RNF220: variants seen among roughly 807,000 people sequenced by gnomAD.
The protein encoded by RNF220 is E3 ubiquitin-protein ligase RNF220.
A neutral mutation model predicts 67.1 loss-of-function variants in RNF220; 7 were observed. That is an observed-to-expected ratio of 0.10 (90% CI 0.06 to 0.20). RNF220 has a LOEUF of 0.20. RNF220 is among the 10% of genes least tolerant of loss of function. The pLI, the probability that RNF220 is intolerant of heterozygous loss-of-function variation, is 1.00. For synonymous variants in RNF220, 270 were observed against 283.2 expected, an observed-to-expected ratio of 0.95 and a Z score of 0.47; for missense variants, 565 against 740.3, an observed-to-expected ratio of 0.76 and a Z score of 2.75.
chr1:44,538,961 C>T (rs890624702), intron 2 of RNF220, among the ~76,000 whole-genome samples: 2 of 148,048 alleles, frequency 1.4e-5, no homozygotes, highest in African/African-American at 5.0e-5. Context: ...TGGATCATGC[C>T]TATAATCCCA....
At chr1:44,523,055 A>T (rs1660064687) in intron 2 of RNF220, among the ~76,000 whole-genome samples, 1 of 152,188 alleles carries the variant, frequency 6.6e-6, no homozygotes, top group Non-Finnish European at 1.5e-5. Context: ...TTCAAAAATA[A>T]ACACTGCCTC....
chr1:44,544,756 G>A (rs1242610199), intron 2 of RNF220, among the ~76,000 whole-genome samples: 1 of 152,264 alleles, frequency 6.6e-6, no homozygotes, highest in African/African-American at 2.4e-5. Flanking sequence ...GCAAGGAGAA[G>A]CCTTGTGGCT....
At chr1:44,423,319 T>G (rs1201511679) in intron 2 of RNF220, among the ~76,000 whole-genome samples, 1 of 152,196 alleles carries the variant, frequency 6.6e-6, no homozygotes, top group Non-Finnish European at 1.5e-5. Flanking sequence ...CAAGGATTGC[T>G]CACAGTGAAG....
intron 2 of RNF220, among the ~76,000 whole-genome samples, chr1:44,507,859 G>A (rs150528632): frequency 6.6e-6 from 1 of 151,996 alleles, no homozygotes; most frequent in Non-Finnish European, 1.5e-5. Flanking sequence ...TCTTTTGTGT[G>A]GAGGTGCCCC....
At chr1:44,447,956 G>C (rs1652272458) in intron 2 of RNF220, among the ~76,000 whole-genome samples, 1 of 152,124 alleles carries the variant, frequency 6.6e-6, no homozygotes, top group East Asian at 1.9e-4. Flanking sequence ...GGAGATGATG[G>C]TGGATGCAAA....
chr1:44,480,320 A>G (rs1655679589), intron 2 of RNF220, among the ~76,000 whole-genome samples: 1 of 152,050 alleles, frequency 6.6e-6, no homozygotes, highest in African/African-American at 2.4e-5. Flanking sequence ...GGTGGAAGGA[A>G]CGCTTGAGCC....
chr1:44,570,972 G>A (rs945745854), intron 2 of RNF220, among the ~76,000 whole-genome samples: 1 of 152,024 alleles, frequency 6.6e-6, no homozygotes, highest in African/African-American at 2.4e-5. Context: ...TACTCAGGAG[G>A]CTGAGGCAGG....
At chr1:44,552,460 C>T (rs973579872) in intron 2 of RNF220, among the ~76,000 whole-genome samples, 7 of 151,462 alleles carry the variant, frequency 4.6e-5, no homozygotes, top group South Asian at 2.1e-4. Context: ...TGTGCCACTG[C>T]GCTCCAGCCT....
intron 2 of RNF220, among the ~76,000 whole-genome samples, chr1:44,572,516 C>G (rs1387953002): frequency 6.6e-6 from 1 of 152,226 alleles, no homozygotes. Flanking sequence ...ATAATTAAAG[C>G]TCAGCACAAA....
At position 44,588,023 on chromosome 1, in the gene RNF220, G is replaced by A. The variant is rs79104852; in HGVS notation, c.626-26142G>A. Among the ~76,000 whole-genome samples the A allele has an allele frequency of 1.1e-3, 172 of 152,254 alleles. 2 individuals are homozygous for A. Among genetic ancestry groups the A allele is most frequent in the Middle Eastern group, 3.4e-3 (1 of 294 alleles). On this transcript the variant is annotated intron_variant, in intron 2 of 14. Transcript: ENST00000361799. ...TGTGTCATTGCCTACAGCTGACCCCGAGGCCATAAATCCTGCCTCTGTACC... is the reference window on the plus strand; with the variant it reads ...TGTGTCATTGCCTACAGCTGACCCCAAGGCCATAAATCCTGCCTCTGTACC...
At chr1:44,646,383 G>A (rs1038604379) in intron 12 of RNF220, among the ~76,000 whole-genome samples, 5 of 152,234 alleles carry the variant, frequency 3.3e-5, no homozygotes, top group Admixed American at 6.5e-5. Flanking sequence ...CCGGGGCCGC[G>A]AGTGCTGCTG....
intron 2 of RNF220, among the ~76,000 whole-genome samples, chr1:44,586,994 G>A (rs1665745167): frequency 6.6e-6 from 1 of 152,100 alleles, no homozygotes; most frequent in Non-Finnish European, 1.5e-5. Flanking sequence ...TCCCCCTCCA[G>A]TCTCTACCGG....
intron 2 of RNF220, among the ~76,000 whole-genome samples, chr1:44,589,341 G>A (rs1483472909): frequency 3.3e-5 from 5 of 152,186 alleles, no homozygotes; most frequent in East Asian, 3.8e-4. Context: ...CTGGCCGGGC[G>A]TGGTGGCTCA....
At chr1:44,506,440 TGCACAGGAGTGGAGTGA>T (rs1319657033) in intron 2 of RNF220, among the ~76,000 whole-genome samples, 3 of 152,262 alleles carry the variant, frequency 2.0e-5, no homozygotes, top group Non-Finnish European at 4.4e-5. Flanking sequence ...TTCCCTTGTC[TGCACAGGAGTGGAGTGA>T]GGGCAGGGGT....
chr1:44,447,187 G>T (rs1232100295), intron 2 of RNF220, among the ~76,000 whole-genome samples: 1 of 152,194 alleles, frequency 6.6e-6, no homozygotes, highest in African/African-American at 2.4e-5. Context: ...ATGTACAGCA[G>T]TATATTTTGT....
chr1:44,580,515 C>T (rs1665192832), intron 2 of RNF220, among the ~76,000 whole-genome samples: 2 of 152,158 alleles, frequency 1.3e-5, no homozygotes, highest in African/African-American at 2.4e-5. Flanking sequence ...TAAACACAGA[C>T]CAGTGGGTGG....
chr1:44,405,324 C>G lies in RNF220; in HGVS notation c.-324C>G. 1 of 517,224 alleles carries G rather than the reference C, an allele frequency of 1.9e-6. No individual in the cohort carries two copies. Among genetic ancestry groups the G allele is most frequent in the Non-Finnish European group, 3.4e-6 (1 of 292,876 alleles). 32.0% of individuals were successfully genotyped at this position (517,224 alleles called of 1,614,324 possible). ...TCTCACGCCAACTGAGTCTCTTGAT[C>G]TGTACATGCAATCCCAGGCAGCTCG... On this transcript the variant is annotated 5_prime_UTR_variant, in exon 1 of 15. It adds an upstream start codon to the 5' untranslated region. Coordinates refer to ENST00000361799, the MANE Select transcript of RNF220 (RefSeq NM_018150.4).
intron 2 of RNF220, among the ~76,000 whole-genome samples, chr1:44,564,925 C>T (rs953513866): frequency 7.9e-5 from 12 of 152,062 alleles, no homozygotes; most frequent in African/African-American, 2.4e-4. Context: ...AGAAAAGGGA[C>T]GATACCTGAA....
chr1:44,548,776 G>T (rs1427179643), intron 2 of RNF220, among the ~76,000 whole-genome samples: 1 of 152,188 alleles, frequency 6.6e-6, no homozygotes, highest in African/African-American at 2.4e-5. Flanking sequence ...ACAGGCGTGA[G>T]CCACTGCGCC....
Sources: gnomAD v4.1 joint callset for allele counts (sites outside exome capture counted in the v4.1 genomes callset) on GRCh38, gnomAD v4.1.1 for gene constraint, MANE v1.5 for transcripts, NCBI Gene and HGNC (gene_info 2026-07-23, HGNC 2026-07-21) for gene names.